Variants in PCDHGA9 observed in about 807,000 individuals in gnomAD.
PCDHGA9 encodes protocadherin gamma-A9.
A neutral mutation model predicts 62.5 loss-of-function variants in PCDHGA9; 37 were observed. The ratio of observed to expected loss-of-function variants is 0.59; its 90% CI spans 0.46 to 0.78. The LOEUF (loss-of-function observed/expected upper bound fraction) is 0.78, where lower values mean the gene tolerates loss of function less well. Among genes scored for constraint, PCDHGA9 ranks in the 30% least tolerant of loss-of-function variants. The pLI is 0.00. For missense variants in PCDHGA9, 1,138 were observed against 1,166.2 expected, an observed-to-expected ratio of 0.98 and a Z score of 0.35; for synonymous variants, 459 against 484.6, an observed-to-expected ratio of 0.95 and a Z score of 0.69.
chr5:141,433,703 G>T (rs1561871157), intron 1 of PCDHGA9, among the ~76,000 whole-genome samples: 1 of 152,098 alleles, frequency 6.6e-6, no homozygotes, highest in Non-Finnish European at 1.5e-5. Flanking sequence ...CGGGCGTGGT[G>T]GTGCATGTCT....
intron 1 of PCDHGA9, among the ~76,000 whole-genome samples, chr5:141,460,888 C>T (rs530320189): frequency 1.3e-5 from 2 of 149,792 alleles, no homozygotes; most frequent in East Asian, 2.0e-4. Context: ...CATGCCTTTT[C>T]GTGGCTGAGT....
At chr5:141,415,477 C>T in intron 1 of PCDHGA9, 1 of 1,614,184 alleles carries the variant, frequency 6.2e-7, no homozygotes, top group Non-Finnish European at 8.5e-7. Flanking sequence ...CGCGGACTCG[C>T]GAAAGAGTCA....
chr5:141,448,192 TACAAAC>T (rs2098573842), intron 1 of PCDHGA9, among the ~76,000 whole-genome samples: 1 of 152,188 alleles, frequency 6.6e-6, no homozygotes, highest in Non-Finnish European at 1.5e-5. Flanking sequence ...TATGTACACT[TACAAAC>T]ATTTTCTGTG....
intron 1 of PCDHGA9, among the ~76,000 whole-genome samples, chr5:141,434,129 G>T (rs1242855904): frequency 6.6e-6 from 1 of 152,092 alleles, no homozygotes; most frequent in East Asian, 1.9e-4. Flanking sequence ...CTCCCTTTAG[G>T]CTGATTTCTA....
chr5:141,504,180 A>G (rs1195970606), intron 2 of PCDHGA9, among the ~76,000 whole-genome samples: 1 of 152,236 alleles, frequency 6.6e-6, no homozygotes, highest in Non-Finnish European at 1.5e-5. Context: ...ATTCAAAAAA[A>G]TCATGAAAAT....
Position 141,491,547 on chromosome 5 carries a change from G to A in PCDHGA9, c.2425-3260G>A. On this transcript the variant is annotated intron_variant, in intron 1 of 3. Transcript: ENST00000573521. This position sits in a 1 kb window ranked among gnomAD's most constrained non-coding sequence, Gnocchi z 6.9. ...AGGTGACGCTGCGGCCCACAGACTC[G>A]CAGAGCCACTGCTACAGGACGTGCT... is the stretch of plus-strand genomic sequence containing the variant. The A allele has an allele frequency of 4.3e-6, 7 of 1,613,974 alleles. No individual in the cohort carries two copies. The highest frequency in any genetic ancestry group is 5.9e-6 in the Non-Finnish European group (7 of 1,180,022).
intron 1 of PCDHGA9, among the ~76,000 whole-genome samples, chr5:141,482,884 C>A (rs2099574053): frequency 6.6e-6 from 1 of 152,116 alleles, no homozygotes; most frequent in Non-Finnish European, 1.5e-5. Flanking sequence ...CCAGCCTGGC[C>A]AACATGGTGA....
At chr5:141,499,029 A>AAGGAAGGAAGGAAGG (rs1562187768) in intron 2 of PCDHGA9, among the ~76,000 whole-genome samples, 10 of 139,968 alleles carry the variant, frequency 7.1e-5, no homozygotes, top group African/African-American at 2.8e-4. Context: ...AGGAAGGAAG[A>AAGGAAGGAAGGAAGG]AAAGAAAGAA....
chr5:141,408,914 A>G lies in PCDHGA9; in HGVS notation c.2424+3538A>G, dbSNP rs776105035. ...AATTTCTGTCAAGGATACCAATGAT[A>G]ACCCCCCGGTTTTCAGCAGAGACGA... On this transcript the variant is annotated intron_variant, in intron 1 of 3. Coordinates refer to ENST00000573521, the MANE Select transcript of PCDHGA9 (RefSeq NM_018921.3). The G allele has an allele frequency of 1.2e-5, 20 of 1,613,446 alleles. No homozygotes were observed. The South Asian group carries it at 2.1e-4, about 17-fold the overall frequency.
At position 141,493,223 on chromosome 5, in the gene PCDHGA9, A is replaced by G. The variant is rs2099747083; in HGVS notation, c.2425-1584A>G. Among the ~76,000 whole-genome samples, 1 of 152,142 alleles carries G rather than the reference A, an allele frequency of 6.6e-6. No homozygotes were observed. The highest frequency in any genetic ancestry group is 6.6e-5 in the Admixed American group (1 of 15,262). On this transcript the variant is annotated intron_variant, in intron 1 of 3. Transcript: ENST00000573521. The surrounding 1 kb of genome is among the most constrained non-coding windows in gnomAD (Gnocchi z 4.3). ...CCTCATCTCATTTGCTCTTCCCACC[A>G]TTGCTGTTGGCTAGGTACTAACATG...
intron 1 of PCDHGA9, chr5:141,419,170 C>G: frequency 6.2e-7 from 1 of 1,613,966 alleles, no homozygotes; most frequent in South Asian, 1.1e-5. Flanking sequence ...CCAGCAAAAC[C>G]ATAACCCTGC....
rs1006751011 is a variant in PCDHGA9, at chr5:141,431,033, C to T, written c.2424+25657C>T. ...CTTGGTCACGGCGGGCAGGATAGAC[C>T]GGGAGGAGCTCTGTATGGGGGCCAT... On this transcript the variant is annotated intron_variant, in intron 1 of 3. Coordinates refer to ENST00000573521, the MANE Select transcript of PCDHGA9 (RefSeq NM_018921.3). This position sits in a 1 kb window ranked among gnomAD's most constrained non-coding sequence, Gnocchi z 4.8. 1.2e-6 allele frequency: 2 copies of T among 1,613,864 alleles called. No homozygotes were observed. The highest frequency in any genetic ancestry group is 1.3e-5 in the African/African-American group (1 of 74,924).
At chr5:141,426,442 G>A (rs1205822455) in intron 1 of PCDHGA9, 9 of 306,752 alleles carry the variant, frequency 2.9e-5, no homozygotes, top group African/African-American at 4.3e-5. Context: ...CCTTGCGGAG[G>A]ACATGCGGCT....
chr5:141,487,936 G>C lies in PCDHGA9; in HGVS notation c.2425-6871G>C. On this transcript the variant is annotated intron_variant, in intron 1 of 3. Coordinates refer to ENST00000573521, the MANE Select transcript of PCDHGA9 (RefSeq NM_018921.3). This position sits in a 1 kb window ranked among gnomAD's most constrained non-coding sequence, Gnocchi z 5.0. The stretch of plus-strand genomic sequence containing the variant: ...AGGAGGCTACAGTGCACAGGGTACA[G>C]TGCACCAGGCAGTCACTTGGACAAA... 4.9e-6 allele frequency: 3 copies of C among 607,906 alleles called. No homozygotes were observed. The highest frequency in any genetic ancestry group is 3.7e-5 in the African/African-American group (2 of 54,158). 37.7% of individuals were successfully genotyped at this position (607,906 alleles called of 1,614,324 possible). A position where few individuals can be genotyped will look rare whatever the true frequency, so the allele number is the denominator to read the frequency against.
At chr5:141,408,901 G>T (rs529239605) in intron 1 of PCDHGA9, 2 of 1,613,100 alleles carry the variant, frequency 1.2e-6, no homozygotes, top group African/African-American at 2.7e-5. Flanking sequence ...TTTCTGTCAA[G>T]GATACCAATG....
chr5:141,419,853 C>A lies in PCDHGA9; in HGVS notation c.2424+14477C>A, dbSNP rs1327953878. The A allele has an allele frequency of 1.9e-6, 3 of 1,614,072 alleles. No homozygotes were observed. In the Admixed American group the frequency reaches 5.0e-5, roughly 27 times the overall value. The stretch of plus-strand genomic sequence containing the variant: ...ACTGCCACGCTGCACCTGGTGTTCG[C>A]AGATAGCTTGCAAGAGGTACTGCCG... On this transcript the variant is annotated intron_variant, in intron 1 of 3. Transcript: ENST00000573521.
intron 1 of PCDHGA9, chr5:141,414,343 A>G: frequency 1.9e-6 from 3 of 1,613,882 alleles, no homozygotes; most frequent in Non-Finnish European, 2.5e-6. Flanking sequence ...AACCTGTTCC[A>G]TTTTGGCGTA....
intron 1 of PCDHGA9, among the ~76,000 whole-genome samples, chr5:141,475,097 T>C (rs180692931): frequency 6.6e-6 from 1 of 152,370 alleles, no homozygotes; most frequent in East Asian, 1.9e-4. Context: ...TTTATAAAGA[T>C]CCTAGGTGGT....
Position 141,491,482 on chromosome 5 carries a change from A to G in PCDHGA9, c.2425-3325A>G. On this transcript the variant is annotated intron_variant, in intron 1 of 3. Coordinates refer to ENST00000573521, the MANE Select transcript of PCDHGA9 (RefSeq NM_018921.3). The surrounding 1 kb of genome is among the most constrained non-coding windows in gnomAD (Gnocchi z 6.9). Reference sequence around the variant, plus strand: ...GGACTTCTATAAGCAGTCCAGCCCCAACCTGCAGGTGAGCTCGGACGGCAC... The same window carrying G: ...GGACTTCTATAAGCAGTCCAGCCCCGACCTGCAGGTGAGCTCGGACGGCAC... 1 of 1,614,088 alleles carries G rather than the reference A, an allele frequency of 6.2e-7. No individual in the cohort carries two copies. The highest frequency in any genetic ancestry group is 8.5e-7 in the Non-Finnish European group (1 of 1,180,006).
Sources: allele counts gnomAD v4.1 joint callset (sites outside exome capture counted in the v4.1 genomes callset), GRCh38; gene constraint gnomAD v4.1.1; non-coding constraint Gnocchi (gnomAD v3.1); transcripts MANE v1.5; gene names NCBI Gene and HGNC (gene_info 2026-07-23, HGNC 2026-07-21).